ATP6V1D: variants seen among roughly 807,000 people sequenced by gnomAD.
ATP6V1D encodes V-type proton ATPase subunit D.
Under a neutral mutation model 39.4 loss-of-function variants are expected in ATP6V1D, and 20 were observed. The observed-to-expected ratio is 0.51, with a 90% CI of 0.36 to 0.74. ATP6V1D has a LOEUF of 0.74. Ranked by LOEUF, ATP6V1D falls within the 30% of genes least tolerant of loss-of-function variation. The pLI is 0.00. For synonymous variants in ATP6V1D, 100 were observed against 100.5 expected, an observed-to-expected ratio of 0.99 and a Z score of 0.03; for missense variants, 228 against 291.6, an observed-to-expected ratio of 0.78 and a Z score of 1.59.
At position 67,338,780 on chromosome 14, in the gene ATP6V1D, G is replaced by A; in HGVS notation, c.603-18C>T. ...TCTTTAACCTGTAAAATACAGGTGG[G>A]GGTGGATTTTTTAAACACTGTTTCA... On this transcript the variant is annotated intron_variant, in intron 8 of 8. Transcript: ENST00000216442. The A allele has an allele frequency of 6.3e-7, 1 of 1,597,116 alleles. No individual in the cohort carries two copies. The highest frequency in any genetic ancestry group is 8.5e-7 in the Non-Finnish European group (1 of 1,170,382).
At chr14:67,340,170 T>C (rs1007839520) in intron 8 of ATP6V1D, 1 of 367,208 alleles carries the variant, frequency 2.7e-6, no homozygotes, top group Non-Finnish European at 5.1e-6. Context: ...CATTTGACTA[T>C]CTTAAAACAT....
intron 1 of ATP6V1D, among the ~76,000 whole-genome samples, chr14:67,358,822 TGC>T (rs2085704851): frequency 6.6e-6 from 1 of 152,224 alleles, no homozygotes; most frequent in East Asian, 1.9e-4. Context: ...TACAGTGATA[TGC>T]CATTTTCCTG....
At chr14:67,343,716 A>T (rs1169955617) in intron 6 of ATP6V1D, among the ~76,000 whole-genome samples, 2 of 152,228 alleles carry the variant, frequency 1.3e-5, no homozygotes, top group Non-Finnish European at 2.9e-5. Context: ...AATAAATTTT[A>T]AAAATTAGCT....
chr14:67,344,076 C>T (rs1009894601), intron 6 of ATP6V1D, among the ~76,000 whole-genome samples: 2 of 152,270 alleles, frequency 1.3e-5, no homozygotes, highest in South Asian at 4.1e-4. Context: ...AACCTACTGA[C>T]GCTGAAAATG....
At chr14:67,341,818 C>G (rs1269468711) in intron 7 of ATP6V1D, among the ~76,000 whole-genome samples, 1 of 152,190 alleles carries the variant, frequency 6.6e-6, no homozygotes, top group Non-Finnish European at 1.5e-5. Flanking sequence ...ACATGGGAGA[C>G]TTTTCATTTT....
At position 67,340,443 on chromosome 14, in the gene ATP6V1D, T is replaced by G; in HGVS notation, c.599A>C (p.Tyr200Ser). ...ATAACTGCCAATTTCAACAAACCTA[T>G]AGAACTCTTCTCGCTCTCTCTCATC... The part of the protein sequence containing the change: ...ELDEREREEF[Y>S]RLKKIQEKKK... Residue 200 changes from tyrosine to serine, a missense_variant, in exon 8 of 9, where the codon TAT becomes TCT. Physicochemically the swap from Tyr to Ser is moderately radical, Grantham distance 144. This residue lies in a region of ATP6V1D where 114 missense variants were observed against 128.3 expected (regional missense o/e 0.89). Coordinates refer to ENST00000216442, the MANE Select transcript of ATP6V1D (RefSeq NM_015994.4). 6.2e-7 allele frequency: 1 copy of G among 1,613,448 alleles called. No homozygotes were observed. The highest frequency in any genetic ancestry group is 8.5e-7 in the Non-Finnish European group (1 of 1,179,462).
chr14:67,357,261 C>G (rs1375694351), intron 1 of ATP6V1D, among the ~76,000 whole-genome samples: 2 of 152,202 alleles, frequency 1.3e-5, no homozygotes, highest in Admixed American at 1.3e-4. Context: ...AGTATATTTT[C>G]TAGCCTATGG....
At chr14:67,345,984 A>C (rs2085617143) in intron 5 of ATP6V1D, 113 bp from the exon 6 acceptor site, 1 of 687,800 alleles carries the variant, frequency 1.5e-6, no homozygotes, top group South Asian at 1.8e-5. Flanking sequence ...TGAATTCACT[A>C]ATCTTCATTG....
intron 5 of ATP6V1D, 90 bp downstream of exon 5, chr14:67,347,319 A>C: frequency 9.5e-7 from 1 of 1,050,176 alleles, no homozygotes. Flanking sequence ...ACCTCTCAAC[A>C]TCTAGCACCA....
At chr14:67,354,042 A>T (rs1444726465) in intron 1 of ATP6V1D, 1 of 152,080 alleles carries the variant, frequency 6.6e-6, no homozygotes, top group Non-Finnish European at 1.5e-5. Context: ...ATAACACAGC[A>T]AGAAGGCCCT....
At chr14:67,349,587 C>A (rs567228006) in intron 3 of ATP6V1D, among the ~76,000 whole-genome samples, 2 of 152,284 alleles carry the variant, frequency 1.3e-5, no homozygotes, top group Admixed American at 1.3e-4. Flanking sequence ...GTAATCCTGG[C>A]ACTTTGGGAG....
At chr14:67,359,169 T>C (rs1595640423) in intron 1 of ATP6V1D, among the ~76,000 whole-genome samples, 1 of 152,238 alleles carries the variant, frequency 6.6e-6, no homozygotes. Context: ...CCGAGGGCTA[T>C]GCTAGGGCGA....
At position 67,350,822 on chromosome 14, in the gene ATP6V1D, C is replaced by T. The variant is rs1189904865; in HGVS notation, c.160-132G>A. The T allele has an allele frequency of 3.7e-6, 3 of 819,824 alleles. No homozygotes were observed. The East Asian group carries it at 8.9e-5, about 24-fold the overall frequency. The allele number at this position is 819,824 out of a possible 1,614,324, so 50.8% of individuals were successfully genotyped here. Reference sequence around the variant, plus strand: ...CATGTAAATATTGGTTTGATAACGACAAACAGAAATTTCCAATTTTTAACA... The same window carrying T: ...CATGTAAATATTGGTTTGATAACGATAAACAGAAATTTCCAATTTTTAACA... On this transcript the variant is annotated intron_variant, in intron 2 of 8. Transcript: ENST00000216442.
At chr14:67,359,090 G>A (rs1450100808) in intron 1 of ATP6V1D, among the ~76,000 whole-genome samples, 1 of 152,174 alleles carries the variant, frequency 6.6e-6, no homozygotes, top group East Asian at 1.9e-4. Flanking sequence ...GAAACACAGG[G>A]ATATCCTCTC....
Position 67,350,706 on chromosome 14 carries a change from C to T in ATP6V1D, c.160-16G>A. On this transcript the variant is annotated splice_polypyrimidine_tract_variant and intron_variant, in intron 2 of 8. Coordinates refer to ENST00000216442, the MANE Select transcript of ATP6V1D (RefSeq NM_015994.4). ...ACATTTTAGTCTGGAAAAGCATAAA[C>T]CAACAGCAGATTCAACCAAGCCTTT... 1 of 1,609,806 alleles carries T rather than the reference C, an allele frequency of 6.2e-7. No homozygotes were observed. The highest frequency in any genetic ancestry group is 8.5e-7 in the Non-Finnish European group (1 of 1,177,052).
At position 67,347,471 on chromosome 14, in the gene ATP6V1D, A is replaced by G. The variant is rs943512865; in HGVS notation, c.308-18T>C. Reference sequence around the variant, plus strand: ...AGTAACACCTGTTAAACACAGAAGCATACATGGATTCATAAACCTTTAAGT... The same window carrying G: ...AGTAACACCTGTTAAACACAGAAGCGTACATGGATTCATAAACCTTTAAGT... On this transcript the variant is annotated intron_variant, in intron 4 of 8. Transcript: ENST00000216442. 1.3e-6 allele frequency: 2 copies of G among 1,588,002 alleles called. No homozygotes were observed. The highest frequency in any genetic ancestry group is 1.4e-5 in the African/African-American group (1 of 73,170).
intron 1 of ATP6V1D, among the ~76,000 whole-genome samples, chr14:67,353,548 C>T (rs894996610): frequency 2.6e-5 from 4 of 151,820 alleles, no homozygotes; most frequent in South Asian, 2.1e-4. Context: ...AGTGCAATGG[C>T]GCGATCTCGA....
At chr14:67,342,527 G>GAA (rs2085592760) in intron 7 of ATP6V1D, among the ~76,000 whole-genome samples, 2 of 148,188 alleles carry the variant, frequency 1.3e-5, no homozygotes, top group South Asian at 4.2e-4. Flanking sequence ...TCTAGAATGT[G>GAA]AACTCTGAGG....
At chr14:67,353,272 A>G (rs988405253) in intron 1 of ATP6V1D, among the ~76,000 whole-genome samples, 1 of 152,240 alleles carries the variant, frequency 6.6e-6, no homozygotes, top group African/African-American at 2.4e-5. Context: ...GGGACCATCA[A>G]GAGATGACTG....
Sources: allele counts gnomAD v4.1 joint callset (sites outside exome capture counted in the v4.1 genomes callset), GRCh38; gene constraint gnomAD v4.1.1; regional missense constraint gnomAD v4.1.1; transcripts MANE v1.5; gene names NCBI Gene and HGNC (gene_info 2026-07-23, HGNC 2026-07-21).